The following MACROD1 variants were observed in gnomAD, a reference collection of about 807,000 sequenced individuals.
MACROD1 encodes the protein ADP-ribose glycohydrolase MACROD1.
In MACROD1, 31 loss-of-function variants were observed where a neutral mutation model predicts 41.4. The observed-to-expected ratio is 0.75, with a 90% confidence interval of 0.56 to 1.01. The LOEUF is 1.01. Ranked by LOEUF, MACROD1 falls within the 50% of genes least tolerant of loss-of-function variation. MACROD1 has a pLI of 0.00. For missense variants in MACROD1, 473 were observed against 460.0 expected, an observed-to-expected ratio of 1.03 and a Z score of -0.26; for synonymous variants, 252 against 203.4, an observed-to-expected ratio of 1.24 and a Z score of -2.03.
At chr11:64,086,707 G>A (rs1207257392) in intron 3 of MACROD1, among the ~76,000 whole-genome samples, 1 of 152,144 alleles carries the variant, frequency 6.6e-6, no homozygotes, top group African/African-American at 2.4e-5. Flanking sequence ...GGGGGAGAAG[G>A]GCATGAAGAA....
At chr11:64,165,499 G>A (rs1344748203) in intron 1 of MACROD1, among the ~76,000 whole-genome samples, 198 bp downstream of exon 1, 3 of 152,118 alleles carry the variant, frequency 2.0e-5, no homozygotes, top group Non-Finnish European at 4.4e-5. Context: ...GGAGTGAATT[G>A]TTCTGTGGGG....
intron 3 of MACROD1, among the ~76,000 whole-genome samples, chr11:64,019,754 G>A (rs1324687094): frequency 2.0e-5 from 3 of 152,210 alleles, no homozygotes; most frequent in African/African-American, 7.2e-5. Context: ...AGGCTTGAGA[G>A]CTGCCCCGGG....
chr11:64,026,128 C>A (rs930644630), intron 3 of MACROD1, among the ~76,000 whole-genome samples: 1 of 152,138 alleles, frequency 6.6e-6, no homozygotes, highest in Non-Finnish European at 1.5e-5. Context: ...TTGCAGTGAG[C>A]CGAGATTGTG....
intron 3 of MACROD1, among the ~76,000 whole-genome samples, chr11:64,027,682 A>G (rs968541724): frequency 1.3e-5 from 2 of 152,018 alleles, no homozygotes; most frequent in African/African-American, 4.8e-5. Flanking sequence ...TATAGGTTAT[A>G]GCCTCCCCCT....
intron 3 of MACROD1, among the ~76,000 whole-genome samples, chr11:64,085,199 A>G (rs1040536111): frequency 1.3e-5 from 2 of 152,156 alleles, no homozygotes; most frequent in Admixed American, 1.3e-4. Context: ...GCCCGAGTGG[A>G]CAGGTGGGGA....
chr11:63,999,918 C>T (rs1310417357), intron 5 of MACROD1, among the ~76,000 whole-genome samples, 155 bp from the exon 6 acceptor site: 1 of 151,976 alleles, frequency 6.6e-6, no homozygotes, highest in Non-Finnish European at 1.5e-5. Flanking sequence ...TGGGCCCCCT[C>T]GAGCCCGAAT....
At chr11:64,116,534 G>A in intron 3 of MACROD1, 1 of 1,614,010 alleles carries the variant, frequency 6.2e-7, no homozygotes, top group Non-Finnish European at 8.5e-7. Flanking sequence ...TCTACCTGCA[G>A]AACAACCAGA....
At chr11:64,097,682 G>A (rs534394931) in intron 3 of MACROD1, among the ~76,000 whole-genome samples, 3 of 152,344 alleles carry the variant, frequency 2.0e-5, no homozygotes, top group East Asian at 1.9e-4. Flanking sequence ...TCTCGCCTCC[G>A]CCTCTTCTCA....
intron 3 of MACROD1, among the ~76,000 whole-genome samples, chr11:64,046,241 TGAG>T (rs1460803257): frequency 6.6e-6 from 1 of 152,106 alleles, no homozygotes; most frequent in Non-Finnish European, 1.5e-5. Flanking sequence ...TCATCCAAAG[TGAG>T]GAAGCCCCAG....
chr11:64,165,791 C>T lies in MACROD1; in HGVS notation c.204G>A (p.Ala68=), dbSNP rs760572953. 3.4e-6 allele frequency: 5 copies of T among 1,482,834 alleles called. No individual in the cohort carries two copies. Among genetic ancestry groups the T allele is most frequent in the East Asian group, 5.7e-5 (2 of 35,042 alleles). The allele number at this position is 1,482,834 out of a possible 1,614,324, so 91.9% of individuals were successfully genotyped here. A position where few individuals can be genotyped will look rare whatever the true frequency, so the allele number is the denominator to read the frequency against. The part of the protein sequence containing the change: ...SAGVGAWGAA[A]VGRTAGVRTW... ...TGCGCACCCCGGCTGTCCGCCCCAC[C>T]GCCGCCGCCCCCCACGCCCCAACTC... The change falls in exon 1 of 11, where the codon GCG becomes GCA. Residue 68 remains alanine, a synonymous_variant. Coordinates refer to ENST00000255681, the MANE Select transcript of MACROD1 (RefSeq NM_014067.4).
chr11:64,083,432 C>T (rs1944337397), intron 3 of MACROD1, among the ~76,000 whole-genome samples: 1 of 152,150 alleles, frequency 6.6e-6, no homozygotes, highest in African/African-American at 2.4e-5. Flanking sequence ...CTGGGCAACA[C>T]AGTGAGACTC....
chr11:64,091,571 G>A (rs775984015), intron 3 of MACROD1, among the ~76,000 whole-genome samples: 12 of 152,128 alleles, frequency 7.9e-5, no homozygotes, highest in South Asian at 2.1e-4. Flanking sequence ...TCCTTCGGGC[G>A]TTTGCACAGC....
intron 3 of MACROD1, among the ~76,000 whole-genome samples, chr11:64,068,032 T>C (rs1213519728): frequency 6.6e-6 from 1 of 152,226 alleles, no homozygotes; most frequent in Non-Finnish European, 1.5e-5. Flanking sequence ...TTGGGGGTTA[T>C]TTAACAAATT....
rs1044204806 is a variant in MACROD1, at chr11:64,165,971, G to C, written c.24C>G (p.Ser8=). ...CCGCGCGCAGCTGTGCCAGGCGGCC[G>C]GACAGTCGGCTCTGTAGAGACATGA... MSLQSRL[S]GRLAQLRAAG... The change falls in exon 1 of 11, where the codon TCC becomes TCG. Residue 8 remains serine (S), a synonymous_variant. Transcript: ENST00000255681. 3.1e-6 allele frequency: 4 copies of C among 1,294,812 alleles called. No individual in the cohort carries two copies. Among genetic ancestry groups the C allele is most frequent in the Middle Eastern group, 2.9e-4 (1 of 3,434 alleles). The allele number at this position is 1,294,812 out of a possible 1,614,324, so 80.2% of individuals were successfully genotyped here. A position where few individuals can be genotyped will look rare whatever the true frequency, so the allele number is the denominator to read the frequency against.
intron 3 of MACROD1, among the ~76,000 whole-genome samples, chr11:64,030,678 T>C (rs921659846): frequency 2.0e-5 from 3 of 151,818 alleles, no homozygotes; most frequent in Non-Finnish European, 4.4e-5. Context: ...GTCATAGAAA[T>C]CATAAGCAAT....
intron 1 of MACROD1, among the ~76,000 whole-genome samples, chr11:64,157,965 G>A (rs540146324): frequency 1.3e-5 from 2 of 152,302 alleles, no homozygotes; most frequent in South Asian, 4.1e-4. Flanking sequence ...CAGCACCTTG[G>A]AGCCCCTCTC....
intron 3 of MACROD1, among the ~76,000 whole-genome samples, chr11:64,123,306 C>G (rs780017040): frequency 1.3e-5 from 2 of 152,150 alleles, no homozygotes; most frequent in Non-Finnish European, 2.9e-5. Flanking sequence ...CGATTCGCAG[C>G]CGTGCATTGG....
At chr11:64,038,267 ATTCAC>A (rs966015795) in intron 3 of MACROD1, among the ~76,000 whole-genome samples, 27 of 152,174 alleles carry the variant, frequency 1.8e-4, no homozygotes, top group African/African-American at 6.5e-4. Flanking sequence ...CCTGTGTCGC[ATTCAC>A]TGGGTGACCC....
At chr11:64,117,860 C>T in intron 3 of MACROD1, 1 of 1,614,156 alleles carries the variant, frequency 6.2e-7, no homozygotes, top group Non-Finnish European at 8.5e-7. Flanking sequence ...AGACAGCCGA[C>T]AGCTATGGCC....
Sources: allele counts gnomAD v4.1 joint callset (sites outside exome capture counted in the v4.1 genomes callset), GRCh38; gene constraint gnomAD v4.1.1; transcripts MANE v1.5; gene names NCBI Gene and HGNC (gene_info 2026-07-23, HGNC 2026-07-21).